The following LRP5 variants were observed in gnomAD, a reference collection of about 807,000 sequenced individuals.
The protein encoded by LRP5 is low-density lipoprotein receptor-related protein 5.
LRP5 carries 62 observed loss-of-function variants against 154.1 expected under a neutral mutation model. The ratio of observed to expected loss-of-function variants is 0.40; its 90% CI spans 0.33 to 0.50. The LOEUF (loss-of-function observed/expected upper bound fraction) is 0.50, where lower values mean the gene tolerates loss of function less well. Among genes scored for constraint, LRP5 ranks in the 20% least tolerant of loss-of-function variants. The pLI is 0.55. For missense variants in LRP5, 1,915 were observed against 2,336.7 expected (o/e 0.82, Z 3.72); for synonymous variants, 966 against 1,011.5 (o/e 0.96, Z 0.85).
In LRP5 at chr11:68,363,950, G is replaced by A. The variant is rs2098629423; in HGVS notation, c.883+7G>A. 6.2e-7 allele frequency: 1 copy of A among 1,604,630 alleles called. No homozygotes were observed. The highest frequency in any genetic ancestry group is 1.4e-5 in the African/African-American group (1 of 74,016). On this transcript the variant is annotated splice_region_variant and intron_variant, in intron 4 of 22. Coordinates refer to ENST00000294304, the MANE Select transcript of LRP5 (RefSeq NM_002335.4). ...CAGGAGCGGCAGCCTTTCTGTGAGT[G>A]CCGGCTGGGGCGCGGGGGCGAGGGT... is the stretch of plus-strand genomic sequence containing the variant.
intron 8 of LRP5, among the ~76,000 whole-genome samples, chr11:68,406,278 C>T (rs2510920): frequency 4.6e-5 from 7 of 152,130 alleles, no homozygotes; most frequent in Admixed American, 2.0e-4. Context: ...TGATGTGTGG[C>T]GGGAATAAAG....
intron 18 of LRP5, among the ~76,000 whole-genome samples, chr11:68,436,108 G>A (rs1046579674): frequency 3.9e-5 from 6 of 152,316 alleles, no homozygotes; most frequent in African/African-American, 7.2e-5. Context: ...TTCTCCTCCC[G>A]TGTGCCCCGC....
At chr11:68,421,184 T>G (rs1442565858) in intron 13 of LRP5, among the ~76,000 whole-genome samples, 1 of 152,076 alleles carries the variant, frequency 6.6e-6, no homozygotes, top group East Asian at 1.9e-4. Flanking sequence ...CCGAGATCGC[T>G]TCACTGCACT....
intron 1 of LRP5, among the ~76,000 whole-genome samples, chr11:68,346,913 G>C (rs528587696): frequency 2.0e-5 from 3 of 152,334 alleles, no homozygotes; most frequent in African/African-American, 7.2e-5. Flanking sequence ...GTCTGGTGGG[G>C]TGATGGTCTG....
At chr11:68,416,032 G>T (rs1439930182) in intron 12 of LRP5, among the ~76,000 whole-genome samples, 1 of 151,670 alleles carries the variant, frequency 6.6e-6, no homozygotes, top group Non-Finnish European at 1.5e-5. Context: ...TCCAGCGTGG[G>T]CAACAGTGCG....
chr11:68,330,233 C>T (rs748107412), intron 1 of LRP5, among the ~76,000 whole-genome samples: 57 of 152,106 alleles, frequency 3.7e-4, no homozygotes, highest in Admixed American at 1.3e-4. Context: ...CTCCCCACCC[C>T]GCCCCCAGCC....
intron 6 of LRP5, among the ~76,000 whole-genome samples, chr11:68,387,797 G>C (rs1176184157): frequency 6.6e-6 from 1 of 152,214 alleles, no homozygotes; most frequent in African/African-American, 2.4e-5. Context: ...GTCAGTAGCG[G>C]TGCTGCCCTC....
intron 9 of LRP5, among the ~76,000 whole-genome samples, chr11:68,409,099 C>CAT (rs1211199856): frequency 5.4e-5 from 5 of 93,014 alleles, no homozygotes; most frequent in African/African-American, 2.1e-4. Flanking sequence ...TATATATACA[C>CAT]ACACATACAC....
chr11:68,425,605 G>C (rs2098668318), intron 15 of LRP5, among the ~76,000 whole-genome samples: 2 of 152,244 alleles, frequency 1.3e-5, no homozygotes, highest in South Asian at 4.1e-4. Context: ...TCTGGACTGT[G>C]TTAGGCTGCG....
Position 68,319,072 on chromosome 11 carries a change from GTT to G in LRP5, c.91+6289_91+6290del, listed in dbSNP as rs59893808. ...CTCACCCCACCGTGCCTGGCTCCTT[GTT>G]TTTTTTTTTTTTTTTTTTTTTGAGA... On this transcript the variant is annotated intron_variant, in intron 1 of 22. Transcript: ENST00000294304. Among the ~76,000 whole-genome samples the G allele has an allele frequency of 7.6e-4, 70 of 92,228 alleles. 1 individual carries two copies. The highest frequency in any genetic ancestry group is 6.9e-3 in the Middle Eastern group (1 of 144). The allele number at this position is 92,228 out of a possible 152,430, so 60.5% of individuals were successfully genotyped here.
upstream of LRP5, chr11:68,312,581 C>A (rs2098588923): frequency 9.5e-6 from 2 of 210,414 alleles, no homozygotes; most frequent in South Asian, 3.0e-4. Flanking sequence ...CGCCCAGCTC[C>A]CTCCTCCCCG....
Position 68,443,561 on chromosome 11 carries a change from ATATATATATATATATATATATATATT to A in LRP5, c.4489-2873_4489-2848del, listed in dbSNP as rs1396802904. Among the ~76,000 whole-genome samples the A allele has an allele frequency of 1.4e-4, 5 of 36,140 alleles. 1 individual carries two copies. Among genetic ancestry groups the A allele is most frequent in the African/African-American group, 3.7e-4 (3 of 8,004 alleles). 23.7% of individuals were successfully genotyped at this position (36,140 alleles called of 152,430 possible). On this transcript the variant is annotated intron_variant, in intron 21 of 22. Transcript: ENST00000294304. Reference sequence around the variant, plus strand: ...TTTTATGGCATATATATATATATATATATATATATATATATATATATATATTTTTTTTTTTTTTGGTTATGTTCAGA... The same window carrying A: ...TTTTATGGCATATATATATATATATATTTTTTTTTTTTGGTTATGTTCAGA...
At chr11:68,444,415 T>C (rs1387783874) in intron 21 of LRP5, among the ~76,000 whole-genome samples, 1 of 151,746 alleles carries the variant, frequency 6.6e-6, no homozygotes, top group African/African-American at 2.4e-5. Context: ...TTCTCGGGAG[T>C]CTGAGGCTGG....
rs978038572 is a variant in LRP5, at chr11:68,413,116, C to T, written c.2504-573C>T. ...ATCCCGTGACCCAGCTCATCCAGGC[C>T]GCATGCAAACCTGTTGCCAGGCGAG... On this transcript the variant is annotated intron_variant, in intron 11 of 22. Transcript: ENST00000294304. This position sits in a 1 kb window ranked among gnomAD's most constrained non-coding sequence, Gnocchi z 5.1. 14 of 198,410 alleles carry T rather than the reference C, an allele frequency of 7.1e-5. No individual in the cohort carries two copies. Among genetic ancestry groups the T allele is most frequent in the Middle Eastern group, 1.7e-3 (1 of 574 alleles). 12.3% of individuals were successfully genotyped at this position (198,410 alleles called of 1,614,324 possible).
At position 68,353,832 on chromosome 11, in the gene LRP5, AG is replaced by A. The variant is rs1322971501; in HGVS notation, c.489-3812del. On this transcript the variant is annotated intron_variant, in intron 2 of 22. Coordinates refer to ENST00000294304, the MANE Select transcript of LRP5 (RefSeq NM_002335.4). This position sits in a 1 kb window ranked among gnomAD's most constrained non-coding sequence, Gnocchi z 4.5. Reference sequence around the variant, plus strand: ...CAAAAGGATCAAGAGCCCTGCAGCCAGGGGGGCCCCTCCTGAGACTCGACTT... The same window carrying A: ...CAAAAGGATCAAGAGCCCTGCAGCCAGGGGGCCCCTCCTGAGACTCGACTT... Among the ~76,000 whole-genome samples the A allele has an allele frequency of 6.6e-6, 1 of 152,186 alleles. No homozygotes were observed. Among genetic ancestry groups the A allele is most frequent in the Admixed American group, 6.5e-5 (1 of 15,288 alleles).
intron 18 of LRP5, among the ~76,000 whole-genome samples, chr11:68,434,596 T>C (rs1193168892): frequency 1.3e-5 from 2 of 152,152 alleles, no homozygotes; most frequent in East Asian, 3.9e-4. Flanking sequence ...GCCAGGCTGG[T>C]CTCGAACTCC....
intron 5 of LRP5, among the ~76,000 whole-genome samples, chr11:68,381,115 C>T (rs1385231849): frequency 6.6e-6 from 1 of 152,162 alleles, no homozygotes; most frequent in East Asian, 1.9e-4. Flanking sequence ...CAGAACAGGG[C>T]TTAGTGCGAT....
intron 13 of LRP5, among the ~76,000 whole-genome samples, chr11:68,417,346 G>A (rs2098663125): frequency 6.7e-6 from 1 of 148,548 alleles, no homozygotes; most frequent in African/African-American, 2.5e-5. Flanking sequence ...GTAGTTTTTT[G>A]CATTCACTTA....
At chr11:68,363,300 G>A (rs374212325) in intron 3 of LRP5, among the ~76,000 whole-genome samples, 1 of 152,246 alleles carries the variant, frequency 6.6e-6, no homozygotes, top group Admixed American at 6.5e-5. Flanking sequence ...TGTGCACGCC[G>A]GGAGAAATGT....
Sources: allele counts gnomAD v4.1 joint callset (sites outside exome capture counted in the v4.1 genomes callset), GRCh38; gene constraint gnomAD v4.1.1; non-coding constraint Gnocchi (gnomAD v3.1); transcripts MANE v1.5; gene names NCBI Gene and HGNC (gene_info 2026-07-23, HGNC 2026-07-21).